The following MAGI1 variants were observed in gnomAD, a reference collection of about 807,000 sequenced individuals.
MAGI1 encodes membrane-associated guanylate kinase, WW and PDZ domain-containing protein 1.
A neutral mutation model predicts 139.9 loss-of-function variants in MAGI1; 58 were observed. That is an observed-to-expected ratio of 0.41 (90% confidence interval 0.34 to 0.52). The LOEUF (loss-of-function observed/expected upper bound fraction) is 0.52, where lower values mean the gene tolerates loss of function less well. MAGI1 is among the 20% of genes least tolerant of loss of function. The pLI, the probability that MAGI1 is intolerant of heterozygous loss-of-function variation, is 0.12. For missense variants in MAGI1, 1,874 were observed against 1,901.6 expected (o/e 0.99, Z 0.27); for synonymous variants, 812 against 737.9 (o/e 1.10, Z -1.63).
intron 1 of MAGI1, among the ~76,000 whole-genome samples, chr3:65,675,439 C>T (rs572327938): frequency 2.0e-4 from 31 of 152,184 alleles, no homozygotes; most frequent in African/African-American, 7.0e-4. Flanking sequence ...AAAAATACCA[C>T]TTGAAAGTTT....
intron 10 of MAGI1, among the ~76,000 whole-genome samples, chr3:65,433,289 T>C (rs1020184679): frequency 5.9e-5 from 9 of 152,136 alleles, no homozygotes; most frequent in Non-Finnish European, 1.2e-4. Flanking sequence ...TAGGCTAAGT[T>C]AGAAAACGTG....
Position 65,410,753 on chromosome 3 carries a change from C to T in MAGI1, c.2168-9283G>A, listed in dbSNP as rs544168768. Among the ~76,000 whole-genome samples the T allele has an allele frequency of 3.9e-5, 6 of 152,134 alleles. No individual in the cohort carries two copies. In the South Asian group the frequency reaches 1.2e-3, roughly 32 times the overall value. On this transcript the variant is annotated intron_variant, in intron 12 of 22. Transcript: ENST00000402939. ...TGATATTTTACTCCAAGTCTCAGTA[C>T]CTAAATCACTGGTCATTCAAGGCTA...
chr3:65,394,469 G>A (rs1244119579), intron 13 of MAGI1, among the ~76,000 whole-genome samples: 1 of 152,120 alleles, frequency 6.6e-6, no homozygotes, highest in Non-Finnish European at 1.5e-5. Context: ...TCTCTAACTG[G>A]CATATATAAA....
At chr3:65,906,751 T>C (rs1426142279) in intron 1 of MAGI1, among the ~76,000 whole-genome samples, 4 of 151,902 alleles carry the variant, frequency 2.6e-5, no homozygotes. Context: ...GTGGGCGTGG[T>C]GGTGGGCACC....
At chr3:65,358,992 CAG>C in intron 22 of MAGI1, 2 of 1,349,210 alleles carry the variant, frequency 1.5e-6, no homozygotes, top group Admixed American at 1.7e-5. Context: ...CATATCAAAA[CAG>C]AGCTAAGCAG....
At chr3:65,641,966 C>T (rs984739517) in intron 1 of MAGI1, among the ~76,000 whole-genome samples, 1 of 152,100 alleles carries the variant, frequency 6.6e-6, no homozygotes, top group South Asian at 2.1e-4. Flanking sequence ...AGGCTGTGAT[C>T]GATGACAAGG....
chr3:65,974,905 A>C (rs2065190972), intron 1 of MAGI1, among the ~76,000 whole-genome samples: 1 of 152,216 alleles, frequency 6.6e-6, no homozygotes, highest in Admixed American at 6.5e-5. Context: ...AGGTGTAAAT[A>C]CAAGAAGGCA....
At chr3:65,609,137 G>T (rs1273279083) in intron 2 of MAGI1, among the ~76,000 whole-genome samples, 1 of 152,140 alleles carries the variant, frequency 6.6e-6, no homozygotes, top group South Asian at 2.1e-4. Context: ...GAAAACCTCA[G>T]TGTTCAAAAT....
Position 65,819,208 on chromosome 3 carries a change from TGGGAG to T in MAGI1, c.314-197125_314-197121del, listed in dbSNP as rs1204954523. On this transcript the variant is annotated intron_variant, in intron 1 of 22. Coordinates refer to ENST00000402939, the MANE Select transcript of MAGI1 (RefSeq NM_001033057.2). Reference sequence around the variant, plus strand: ...CTGAAGCAGGAGAATCACTTGAACCTGGGAGGCGGAGGTTGCGGTGAGCCAAGATC... The same window carrying T: ...CTGAAGCAGGAGAATCACTTGAACCTGCGGAGGTTGCGGTGAGCCAAGATC... Among the ~76,000 whole-genome samples, 3 of 152,022 alleles carry T rather than the reference TGGGAG, an allele frequency of 2.0e-5. No homozygotes were observed. The East Asian group carries it at 5.8e-4, about 29-fold the overall frequency.
At chr3:65,501,819 T>C (rs540771904) in intron 2 of MAGI1, among the ~76,000 whole-genome samples, 6 of 152,334 alleles carry the variant, frequency 3.9e-5, no homozygotes, top group Admixed American at 2.6e-4. Flanking sequence ...TGTGGTTCAA[T>C]TGGTGAATGA....
intron 2 of MAGI1, among the ~76,000 whole-genome samples, chr3:65,512,181 T>TA (rs2077633721): frequency 8.2e-6 from 1 of 122,512 alleles, no homozygotes; most frequent in African/African-American, 3.0e-5. Context: ...TTTATAGCAC[T>TA]AAATGCCCAC....
chr3:65,719,323 C>A (rs926843752), intron 1 of MAGI1, among the ~76,000 whole-genome samples: 2 of 150,820 alleles, frequency 1.3e-5, no homozygotes, highest in African/African-American at 4.9e-5. Context: ...ATATATATAT[C>A]TGGGCTTACC....
intron 2 of MAGI1, among the ~76,000 whole-genome samples, chr3:65,558,608 T>C (rs1266858453): frequency 1.3e-5 from 2 of 152,168 alleles, no homozygotes; most frequent in Non-Finnish European, 2.9e-5. Context: ...AAGTTTCACT[T>C]CCACGAAACC....
chr3:65,603,716 C>T (rs1482543436), intron 2 of MAGI1, among the ~76,000 whole-genome samples: 1 of 152,148 alleles, frequency 6.6e-6, no homozygotes, highest in Admixed American at 6.5e-5. Flanking sequence ...CTGAGACAGT[C>T]GTTTATAAAG....
At chr3:65,664,468 G>C (rs1171369150) in intron 1 of MAGI1, among the ~76,000 whole-genome samples, 1 of 152,130 alleles carries the variant, frequency 6.6e-6, no homozygotes, top group African/African-American at 2.4e-5. Context: ...ACATTTTACA[G>C]ACGAAAAAAC....
rs368609269 is a variant in MAGI1 at position 65,546,106 on chromosome 3, C to A, written c.431-52475G>T. ...AACCAATGTTTTCTATGCACACGCA[C>A]AATTGCATATAAACATACATTTAAA... On this transcript the variant is annotated intron_variant, in intron 2 of 22. Coordinates refer to ENST00000402939, the MANE Select transcript of MAGI1 (RefSeq NM_001033057.2). 1.5e-4 allele frequency among the ~76,000 whole-genome samples: 23 copies of A among 152,278 alleles called. No homozygotes were observed. In the East Asian group the frequency reaches 3.9e-3, roughly 26 times the overall value.
At chr3:65,934,960 C>T (rs2062978342) in intron 1 of MAGI1, among the ~76,000 whole-genome samples, 2 of 152,168 alleles carry the variant, frequency 1.3e-5, no homozygotes, top group South Asian at 4.2e-4. Context: ...AGATACCAGT[C>T]CTGCCTTTAT....
At chr3:66,005,094 T>C (rs143101041) in intron 1 of MAGI1, among the ~76,000 whole-genome samples, 130 of 152,238 alleles carry the variant, frequency 8.5e-4, no homozygotes, top group African/African-American at 2.7e-3. Context: ...AACTATGAAT[T>C]TGCCATGTTA....
chr3:66,007,293 C>A (rs932927317), intron 1 of MAGI1, among the ~76,000 whole-genome samples: 3 of 152,194 alleles, frequency 2.0e-5, no homozygotes, highest in African/African-American at 7.2e-5. Context: ...TCCTTTAAGC[C>A]CCACGGCGAT....
Sources: gnomAD v4.1 joint callset for allele counts (sites outside exome capture counted in the v4.1 genomes callset) on GRCh38, gnomAD v4.1.1 for gene constraint, MANE v1.5 for transcripts, NCBI Gene and HGNC (gene_info 2026-07-23, HGNC 2026-07-21) for gene names.